MYH10: variants seen among roughly 807,000 people sequenced by gnomAD.
MYH10 encodes the protein myosin-10.
In MYH10, 55 loss-of-function variants were observed where a neutral mutation model predicts 257.8. That is an observed-to-expected ratio of 0.21 (90% CI 0.17 to 0.27). The LOEUF is 0.27. Among genes scored for constraint, MYH10 ranks in the 10% least tolerant of loss-of-function variants. The pLI, the probability that MYH10 is intolerant of heterozygous loss-of-function variation, is 1.00. For missense variants in MYH10, 1,631 were observed against 2,500.6 expected (o/e 0.65, Z 7.42); for synonymous variants, 854 against 921.7 (o/e 0.93, Z 1.33).
chr17:8,556,066 A>G (rs2082782781), intron 7 of MYH10, among the ~76,000 whole-genome samples: 2 of 152,268 alleles, frequency 1.3e-5, no homozygotes, highest in South Asian at 4.1e-4. Context: ...AGGGAAATCT[A>G]AGTAAAAACA....
intron 4 of MYH10, among the ~76,000 whole-genome samples, chr17:8,581,610 T>G (rs2083709118): frequency 6.6e-6 from 1 of 152,172 alleles, no homozygotes; most frequent in African/African-American, 2.4e-5. Context: ...ATAGATACAT[T>G]CAAAACCTTA....
At chr17:8,586,518 T>C (rs1208608929) in intron 4 of MYH10, among the ~76,000 whole-genome samples, 1 of 152,098 alleles carries the variant, frequency 6.6e-6, no homozygotes, top group Non-Finnish European at 1.5e-5. Flanking sequence ...TCTGAAAATA[T>C]TCATAATAAA....
At chr17:8,595,673 C>T (rs889293636) in intron 3 of MYH10, among the ~76,000 whole-genome samples, 4 of 152,034 alleles carry the variant, frequency 2.6e-5, no homozygotes, top group Non-Finnish European at 5.9e-5. Context: ...TCAGGTGATC[C>T]GCCTGCCTTG....
At chr17:8,577,089 A>G in intron 5 of MYH10, 147 bp downstream of exon 5, 1 of 578,608 alleles carries the variant, frequency 1.7e-6, no homozygotes, top group South Asian at 3.1e-5. Context: ...GGTGGAAAAA[A>G]GCATTGCTGG....
intron 42 of MYH10, among the ~76,000 whole-genome samples, chr17:8,476,672 G>A (rs1912684112): frequency 6.6e-6 from 1 of 152,210 alleles, no homozygotes; most frequent in South Asian, 2.1e-4. Flanking sequence ...GTCCTCTAGT[G>A]ACTGGCAATG....
chr17:8,497,038 A>AT (rs1324838112), intron 30 of MYH10, among the ~76,000 whole-genome samples: 9 of 152,202 alleles, frequency 5.9e-5, no homozygotes, highest in Admixed American at 2.0e-4. Flanking sequence ...TGCTGGAGGA[A>AT]TTAAGCACGT....
intron 11 of MYH10, among the ~76,000 whole-genome samples, chr17:8,547,441 C>G (rs1015264637): frequency 6.6e-6 from 1 of 151,928 alleles, no homozygotes; most frequent in Non-Finnish European, 1.5e-5. Context: ...ATAGGAGGTG[C>G]CACAGCTTGG....
chr17:8,605,986 T>C (rs1454446320), intron 2 of MYH10, among the ~76,000 whole-genome samples: 1 of 152,178 alleles, frequency 6.6e-6, no homozygotes, highest in Non-Finnish European at 1.5e-5. Context: ...GGATTTTTTT[T>C]TCTTAAAAAT....
At chr17:8,503,776 A>C (rs202001535) in intron 28 of MYH10, among the ~76,000 whole-genome samples, 1 of 151,916 alleles carries the variant, frequency 6.6e-6, no homozygotes, top group Non-Finnish European at 1.5e-5. Context: ...GGCCTCAGCA[A>C]CTCCCCAGGG....
At chr17:8,624,517 T>C (rs9915574) in intron 1 of MYH10, among the ~76,000 whole-genome samples, 51,952 of 152,030 alleles carry the variant, frequency 0.34, 11,221 homozygotes, top group African/African-American at 0.63. Flanking sequence ...TTCTCCCCTC[T>C]GTTCACTCCA....
At chr17:8,625,086 C>G (rs1350687672) in intron 1 of MYH10, among the ~76,000 whole-genome samples, 2 of 151,812 alleles carry the variant, frequency 1.3e-5, no homozygotes, top group Non-Finnish European at 2.9e-5. Flanking sequence ...CCATCTCCAC[C>G]AAAAATAACA....
intron 35 of MYH10, among the ~76,000 whole-genome samples, chr17:8,489,588 C>T (rs999682707): frequency 2.1e-4 from 32 of 152,092 alleles, no homozygotes; most frequent in African/African-American, 7.2e-4. Flanking sequence ...TCTGTGGTCC[C>T]AGCTACTTGG....
At chr17:8,599,024 A>C (rs2084494929) in intron 3 of MYH10, among the ~76,000 whole-genome samples, 1 of 152,226 alleles carries the variant, frequency 6.6e-6, no homozygotes, top group Admixed American at 6.5e-5. Flanking sequence ...GTGATTTCTA[A>C]AGAATCTGTA....
chr17:8,533,918 C>G (rs2082071497), intron 16 of MYH10, among the ~76,000 whole-genome samples: 2 of 152,202 alleles, frequency 1.3e-5, no homozygotes, highest in African/African-American at 4.8e-5. Context: ...TGAAGGAATG[C>G]AAATCCTTAC....
intron 4 of MYH10, among the ~76,000 whole-genome samples, chr17:8,582,851 A>AT (rs2083760535): frequency 2.0e-5 from 3 of 152,334 alleles, no homozygotes; most frequent in Middle Eastern, 6.8e-3. Context: ...AAATATTGGT[A>AT]TTTTATTTTG....
intron 7 of MYH10, among the ~76,000 whole-genome samples, chr17:8,557,717 G>A (rs2082853710): frequency 2.6e-5 from 4 of 152,218 alleles, no homozygotes; most frequent in African/African-American, 9.6e-5. Context: ...TGACAAACAG[G>A]CTCTTGCTAC....
chr17:8,629,840 A>G (rs1382583251), intron 1 of MYH10, among the ~76,000 whole-genome samples: 1 of 151,040 alleles, frequency 6.6e-6, no homozygotes, highest in East Asian at 2.0e-4. Flanking sequence ...CCCCCGGCCT[A>G]GGCGCTCCAC....
intron 17 of MYH10, among the ~76,000 whole-genome samples, chr17:8,525,494 A>G (rs2081812554): frequency 6.6e-6 from 1 of 152,266 alleles, no homozygotes; most frequent in Non-Finnish European, 1.5e-5. Flanking sequence ...TAGCTATTTA[A>G]TAAATATCTG....
intron 7 of MYH10, among the ~76,000 whole-genome samples, chr17:8,566,089 G>A (rs268449): frequency 0.4 from 61,466 of 151,814 alleles, 12,427 homozygotes; most frequent in East Asian, 0.5. Context: ...CCAACTAGAT[G>A]CCAGTGGCAC....
Sources: allele counts gnomAD v4.1 joint callset (sites outside exome capture counted in the v4.1 genomes callset), GRCh38; gene constraint gnomAD v4.1.1; transcripts MANE v1.5; gene names NCBI Gene and HGNC (gene_info 2026-07-23, HGNC 2026-07-21).